Variants in MGRN1 observed in about 807,000 individuals in gnomAD.
MGRN1 encodes the protein mahogunin ring finger 1.
A neutral mutation model predicts 69.2 loss-of-function variants in MGRN1; 29 were observed. The ratio of observed to expected loss-of-function variants is 0.42; its 90% CI spans 0.31 to 0.57. MGRN1 has a LOEUF of 0.57. MGRN1 is among the 20% of genes least tolerant of loss of function. MGRN1 has a pLI of 0.15. For missense variants in MGRN1, 998 were observed against 796.2 expected, an observed-to-expected ratio of 1.25 and a Z score of -3.05; for synonymous variants, 470 against 344.2, an observed-to-expected ratio of 1.37 and a Z score of -4.04.
chr16:4,632,616 G>T (rs1596256087), intron 1 of MGRN1, among the ~76,000 whole-genome samples: 3 of 152,028 alleles, frequency 2.0e-5, no homozygotes, highest in Admixed American at 6.6e-5. Context: ...GGATGGTCTC[G>T]ATCTCCTGAC....
intron 1 of MGRN1, among the ~76,000 whole-genome samples, chr16:4,647,910 C>T (rs570102064): frequency 1.3e-5 from 2 of 152,228 alleles, no homozygotes; most frequent in Admixed American, 6.5e-5. Context: ...TGGGCCACCT[C>T]CCTCAGGAGG....
At chr16:4,638,565 T>C (rs943872606) in intron 1 of MGRN1, among the ~76,000 whole-genome samples, 5 of 152,014 alleles carry the variant, frequency 3.3e-5, no homozygotes, top group African/African-American at 9.7e-5. Context: ...GGGGGATCAA[T>C]GCGTGGGTGA....
intron 8 of MGRN1, among the ~76,000 whole-genome samples, chr16:4,669,666 A>G (rs989000299): frequency 5.9e-5 from 9 of 152,220 alleles, no homozygotes; most frequent in African/African-American, 1.9e-4. Context: ...GACCAGAAAC[A>G]AAGTCTGCAA....
intron 7 of MGRN1, among the ~76,000 whole-genome samples, 187 bp downstream of exon 7, chr16:4,665,338 C>T (rs1014228259): frequency 2.7e-5 from 4 of 150,782 alleles, no homozygotes; most frequent in African/African-American, 4.9e-5. Context: ...GGCCGAGTGC[C>T]GCTGTCAGGA....
intron 5 of MGRN1, 127 bp from the exon 6 acceptor site, chr16:4,664,582 C>T (rs1567210808): frequency 4.4e-6 from 4 of 903,864 alleles, no homozygotes; most frequent in South Asian, 2.9e-5. Flanking sequence ...CATCTCGAGG[C>T]GTGTCCTCTG....
At chr16:4,665,667 C>CT (rs35226786) in intron 7 of MGRN1, among the ~76,000 whole-genome samples, 4,692 of 127,542 alleles carry the variant, frequency 0.037, 271 homozygotes, top group African/African-American at 0.089. Context: ...CGTGCCCGGC[C>CT]TTTTTTTTTT....
At chr16:4,625,780 T>A (rs1167118057) in intron 1 of MGRN1, among the ~76,000 whole-genome samples, 1 of 152,226 alleles carries the variant, frequency 6.6e-6, no homozygotes, top group African/African-American at 2.4e-5. Context: ...TGATGAGTTA[T>A]GTGTTGACTG....
intron 13 of MGRN1, 37 bp from the exon 14 acceptor site, chr16:4,682,785 AT>A (rs779632555): frequency 2.4e-5 from 35 of 1,482,952 alleles, no homozygotes; most frequent in African/African-American, 2.8e-5. Context: ...CCTTGTCGTT[AT>A]CCTCTCACCC....
At position 4,683,408 on chromosome 16, in the gene MGRN1, CG is replaced by C. The variant is rs1167929620; in HGVS notation, c.1528+141del. 3 of 1,007,916 alleles carry C rather than the reference CG, an allele frequency of 3.0e-6. No homozygotes were observed. In the African/African-American group the frequency reaches 4.8e-5, roughly 16 times the overall value. 62.4% of individuals were successfully genotyped at this position (1,007,916 alleles called of 1,614,324 possible). Reference sequence around the variant, plus strand: ...CCCTCGGCCAAGAGGCCCCCCTCGGCGGCACTGGGATCCCGGCTGGGAGGGA... The same window carrying C: ...CCCTCGGCCAAGAGGCCCCCCTCGGCGCACTGGGATCCCGGCTGGGAGGGA... On this transcript the variant is annotated intron_variant, in intron 15 of 16. Coordinates refer to ENST00000262370, the MANE Select transcript of MGRN1 (RefSeq NM_015246.4).
intron 7 of MGRN1, among the ~76,000 whole-genome samples, chr16:4,666,291 T>G (rs28567985): frequency 0.033 from 5,071 of 152,136 alleles, 137 homozygotes; most frequent in African/African-American, 0.067. Context: ...ACCACGTCTG[T>G]CTAACTTAAA....
Position 4,688,859 on chromosome 16 carries a change from T to G in MGRN1, c.1682T>G (p.Leu561Arg). The G allele has an allele frequency of 6.4e-7, 1 of 1,555,042 alleles. No individual in the cohort carries two copies. The highest frequency in any genetic ancestry group is 8.7e-7 in the Non-Finnish European group (1 of 1,148,992). ...ACCACCAGCCCCACCTGGCCTCCAC[T>G]TGGTGGCCCCAGCCCCGATCCCAGC... ...LATTSPTWPP[L>R]GGPSPDPSAA... The change falls in exon 17 of 17, where the codon CTT becomes CGT. Residue 561 changes from leucine to arginine, a missense_variant. Transcript: ENST00000262370.
At chr16:4,687,578 T>TACAGACACAC (rs2079359579) in intron 16 of MGRN1, 1 of 628,106 alleles carries the variant, frequency 1.6e-6, no homozygotes. Context: ...AAAAAAAAAA[T>TACAGACACAC]ACACACACAC....
chr16:4,637,593 C>T (rs1023150539), intron 1 of MGRN1, among the ~76,000 whole-genome samples: 1 of 152,180 alleles, frequency 6.6e-6, no homozygotes, highest in African/African-American at 2.4e-5. Flanking sequence ...TTGAAGGCTC[C>T]GAGGGAAGTC....
In MGRN1 at chr16:4,638,113, T is replaced by A. The variant is rs78173621; in HGVS notation, c.89-12252T>A. On this transcript the variant is annotated intron_variant, in intron 1 of 16. Transcript: ENST00000262370. ...CTGCCGGAGGCTCCTTTGTGTTAAT[T>A]GGCATTTTTTATCCTCAGGACGTCC... Among the ~76,000 whole-genome samples, 123 of 152,262 alleles carry A rather than the reference T, an allele frequency of 8.1e-4. 4 individuals carry two copies. In the East Asian group the frequency reaches 0.021, roughly 26 times the overall value.
In MGRN1 at chr16:4,673,592, G is replaced by A. The variant is rs762966871; in HGVS notation, c.890G>A (p.Cys297Tyr). The stretch of plus-strand genomic sequence containing the variant: ...CTGATCCTGCCCTGCCGCCACCTGT[G>A]CCTCTGTACCTCCTGCGCCGACACG... ...DTLILPCRHL[C>Y]LCTSCADTLR... The change falls in exon 10 of 17, where the codon TGC (cysteine) becomes TAC (tyrosine). Residue 297 changes from cysteine (C) to tyrosine (Y), a missense_variant. Coordinates refer to ENST00000262370, the MANE Select transcript of MGRN1 (RefSeq NM_015246.4). The A allele has an allele frequency of 5.0e-6, 8 of 1,613,734 alleles. No individual in the cohort carries two copies. Among genetic ancestry groups the A allele is most frequent in the Non-Finnish European group, 6.8e-6 (8 of 1,179,986 alleles).
At chr16:4,675,927 T>A (rs1185229935) in intron 10 of MGRN1, among the ~76,000 whole-genome samples, 1 of 152,130 alleles carries the variant, frequency 6.6e-6, no homozygotes, top group African/African-American at 2.4e-5. Context: ...AACGACCAGG[T>A]CAAAGTGCAC....
At chr16:4,679,260 C>T (rs958194357) in intron 11 of MGRN1, among the ~76,000 whole-genome samples, 6 of 152,160 alleles carry the variant, frequency 3.9e-5, no homozygotes, top group African/African-American at 7.2e-5. Context: ...TTGTTTTTGC[C>T]CCTCCCTGTT....
At chr16:4,688,771 C>A in intron 16 of MGRN1, 25 bp from the exon 17 acceptor site, 1 of 1,525,028 alleles carries the variant, frequency 6.6e-7, no homozygotes, top group Non-Finnish European at 8.9e-7. Context: ...GAGTGTGACC[C>A]TCCTCCCTCT....
At chr16:4,686,529 C>G (rs1049975336) in intron 16 of MGRN1, 8 of 1,369,684 alleles carry the variant, frequency 5.8e-6, no homozygotes, top group African/African-American at 4.4e-5. Flanking sequence ...CCAGAGGTCT[C>G]TCCATCTGGA....
Sources: allele counts gnomAD v4.1 joint callset (sites outside exome capture counted in the v4.1 genomes callset), GRCh38; gene constraint gnomAD v4.1.1; transcripts MANE v1.5; gene names NCBI Gene and HGNC (gene_info 2026-07-23, HGNC 2026-07-21).